Variants in GRAMD1B observed in about 807,000 individuals in gnomAD.
The protein encoded by GRAMD1B is GRAM domain containing 1B, also known as protein Aster-B.
In GRAMD1B, 37 loss-of-function variants were observed where a neutral mutation model predicts 99.7. The ratio of observed to expected loss-of-function variants is 0.37; its 90% CI spans 0.29 to 0.49. The LOEUF (loss-of-function observed/expected upper bound fraction) is 0.49. GRAMD1B is among the 20% of genes least tolerant of loss of function. The pLI is 0.98. For synonymous variants in GRAMD1B, 427 were observed against 387.6 expected (o/e 1.10, Z -1.19); for missense variants, 888 against 1,009.2 (o/e 0.88, Z 1.63).
chr11:123,618,892 C>T, intron 18 of GRAMD1B, 92 bp downstream of exon 18: 1 of 760,578 alleles, frequency 1.3e-6, no homozygotes, highest in East Asian at 2.7e-5. Context: ...CCTCACTGCC[C>T]TTCCCCATCC....
chr11:123,476,643 AGTCCACG>A (rs1289750989), intron 1 of GRAMD1B, among the ~76,000 whole-genome samples: 3 of 152,240 alleles, frequency 2.0e-5, no homozygotes, highest in African/African-American at 7.2e-5. Flanking sequence ...GTTGCATCAC[AGTCCACG>A]GTGAATATTT....
intron 1 of GRAMD1B, among the ~76,000 whole-genome samples, chr11:123,439,790 C>T (rs1391848787): frequency 1.3e-5 from 2 of 152,150 alleles, no homozygotes; most frequent in Admixed American, 6.5e-5. Flanking sequence ...AAGGTCTCTC[C>T]CTCTCAGCAC....
At chr11:123,429,119 G>A (rs1397049229), upstream of GRAMD1B, among the ~76,000 whole-genome samples, 2 of 152,196 alleles carry the variant, frequency 1.3e-5, no homozygotes, top group African/African-American at 2.4e-5. This position sits in a 1 kb window ranked among gnomAD's most constrained non-coding sequence, Gnocchi z 4.0. Flanking sequence ...CTTGAGCCCA[G>A]GAATTCAAGG....
intron 2 of GRAMD1B, among the ~76,000 whole-genome samples, chr11:123,503,189 T>G (rs1364904685): frequency 6.6e-6 from 1 of 152,096 alleles, no homozygotes; most frequent in Non-Finnish European, 1.5e-5. Context: ...GGCATAGGAG[T>G]GAGCTCCCAG....
intron 1 of GRAMD1B, among the ~76,000 whole-genome samples, chr11:123,413,396 A>G (rs553963090): frequency 5.5e-4 from 84 of 152,250 alleles, no homozygotes; most frequent in African/African-American, 1.8e-3. Flanking sequence ...CATTAATGGC[A>G]GTGCTGGGGT....
chr11:123,589,651 G>A (rs565824841), intron 4 of GRAMD1B, among the ~76,000 whole-genome samples: 21 of 136,880 alleles, frequency 1.5e-4, no homozygotes, highest in Admixed American at 1.1e-3. Flanking sequence ...TAGTAGAGAC[G>A]GGGTTTCACT....
In GRAMD1B at chr11:123,622,600, G is replaced by T; in HGVS notation, c.*5G>T. 1 of 1,516,866 alleles carries T rather than the reference G, an allele frequency of 6.6e-7. No individual in the cohort carries two copies. Among genetic ancestry groups the T allele is most frequent in the Non-Finnish European group, 9.0e-7 (1 of 1,116,424 alleles). The allele number at this position is 1,516,866 out of a possible 1,614,324, so 94.0% of individuals were successfully genotyped here. A position where few individuals can be genotyped will look rare whatever the true frequency, so the allele number is the denominator to read the frequency against. ...AAGAGGAATCGCTATCATTGACAAG[G>T]CAGGAACAGGGTGGCTGCAAGAGGC... On this transcript the variant is annotated 3_prime_UTR_variant, in exon 20 of 20. Coordinates refer to ENST00000635736, the MANE Select transcript of GRAMD1B (RefSeq NM_001387025.1).
chr11:123,422,173 T>C (rs1259742553), intron 1 of GRAMD1B, among the ~76,000 whole-genome samples: 1 of 152,102 alleles, frequency 6.6e-6, no homozygotes, highest in Non-Finnish European at 1.5e-5. Flanking sequence ...GTGGGGGGGA[T>C]ACAAGCAGGG....
chr11:123,414,670 A>G (rs1399782150), intron 1 of GRAMD1B, among the ~76,000 whole-genome samples: 2 of 152,034 alleles, frequency 1.3e-5, no homozygotes, highest in African/African-American at 4.8e-5. Flanking sequence ...TCCATTGCTT[A>G]GCTCCCACCC....
intron 5 of GRAMD1B, among the ~76,000 whole-genome samples, chr11:123,594,462 G>A (rs961150147): frequency 6.6e-6 from 1 of 152,210 alleles, no homozygotes; most frequent in Non-Finnish European, 1.5e-5. Context: ...GTTGAATTTT[G>A]TTGGTCTTTT....
intron 1 of GRAMD1B, among the ~76,000 whole-genome samples, chr11:123,461,863 C>T (rs1174453568): frequency 1.3e-5 from 2 of 152,030 alleles, no homozygotes; most frequent in Non-Finnish European, 2.9e-5. Context: ...GCCTCAGCCT[C>T]CCAAAGTGCT....
intron 1 of GRAMD1B, among the ~76,000 whole-genome samples, chr11:123,439,898 A>C (rs1011436139): frequency 1.3e-5 from 2 of 152,118 alleles, no homozygotes; most frequent in African/African-American, 4.8e-5. Context: ...CTGGTTGGCA[A>C]GTTTATCCAG....
At chr11:123,581,405 G>C (rs1013501657) in intron 3 of GRAMD1B, among the ~76,000 whole-genome samples, 1 of 152,152 alleles carries the variant, frequency 6.6e-6, no homozygotes, top group Non-Finnish European at 1.5e-5. Flanking sequence ...CCCAGAGGCC[G>C]GCAGCTCCTC....
At chr11:123,471,824 G>A (rs1951029738) in intron 1 of GRAMD1B, among the ~76,000 whole-genome samples, 1 of 152,132 alleles carries the variant, frequency 6.6e-6, no homozygotes, top group Non-Finnish European at 1.5e-5. Flanking sequence ...ACGTATACCT[G>A]GACAGGTTCA....
At chr11:123,467,074 AG>A (rs1950714460) in intron 1 of GRAMD1B, among the ~76,000 whole-genome samples, 1 of 152,204 alleles carries the variant, frequency 6.6e-6, no homozygotes, top group African/African-American at 2.4e-5. Context: ...ATTTTATTGT[AG>A]GTGAGGGATC....
intron 2 of GRAMD1B, among the ~76,000 whole-genome samples, chr11:123,568,904 CAG>C (rs1947730254): frequency 6.6e-6 from 1 of 152,206 alleles, no homozygotes; most frequent in African/African-American, 2.4e-5. Flanking sequence ...GATAGGCACA[CAG>C]AGAGCAGGTT....
At chr11:123,486,445 A>G (rs890922235) in intron 2 of GRAMD1B, among the ~76,000 whole-genome samples, 3 of 151,264 alleles carry the variant, frequency 2.0e-5, no homozygotes, top group Non-Finnish European at 4.4e-5. Flanking sequence ...GCTACTTGGG[A>G]GGCTGAGGTA....
chr11:123,565,802 T>C (rs2136073928), intron 2 of GRAMD1B, among the ~76,000 whole-genome samples: 1 of 152,318 alleles, frequency 6.6e-6, no homozygotes, highest in South Asian at 2.1e-4. Flanking sequence ...ACACCCAGCC[T>C]GTGAACCCAG....
intron 1 of GRAMD1B, among the ~76,000 whole-genome samples, chr11:123,423,185 G>A (rs1948515358): frequency 6.6e-6 from 1 of 151,372 alleles, no homozygotes; most frequent in Non-Finnish European, 1.5e-5. Flanking sequence ...ATTGTAAATG[G>A]CATAATCATA....
Sources: allele counts gnomAD v4.1 joint callset (sites outside exome capture counted in the v4.1 genomes callset), GRCh38; gene constraint gnomAD v4.1.1; non-coding constraint Gnocchi (gnomAD v3.1); transcripts MANE v1.5; gene names NCBI Gene and HGNC (gene_info 2026-07-23, HGNC 2026-07-21).